Variants in CATSPER2 observed in about 807,000 individuals in gnomAD.
The protein encoded by CATSPER2 is cation channel sperm-associated protein 2.
Under a neutral mutation model 68.8 loss-of-function variants are expected in CATSPER2, and 56 were observed. The observed-to-expected ratio is 0.81, with a 90% CI of 0.66 to 1.02. The LOEUF (loss-of-function observed/expected upper bound fraction) is 1.02. Ranked by LOEUF, CATSPER2 falls within the 50% of genes least tolerant of loss-of-function variation. The pLI is 0.00. For synonymous variants in CATSPER2, 198 were observed against 229.9 expected (o/e 0.86, Z 1.26); for missense variants, 582 against 642.0 (o/e 0.91, Z 1.01).
rs1478622264 is a variant in CATSPER2 at position 43,644,174 on chromosome 15, G to A, written c.388+2876C>T. ...AGTTGTGGAAGCAGATTTTTTTAAA[G>A]CCCTAACAGTTTAGATCACTTTGTG... is the stretch of plus-strand genomic sequence containing the variant. On this transcript the variant is annotated intron_variant, in intron 4 of 12. Transcript: ENST00000396879. 2.6e-5 allele frequency among the ~76,000 whole-genome samples: 4 copies of A among 151,842 alleles called. 1 individual carries two copies. The highest frequency in any genetic ancestry group is 1.3e-4 in the Admixed American group (2 of 15,256).
intron 4 of CATSPER2, among the ~76,000 whole-genome samples, chr15:43,643,847 T>G (rs1199293036): frequency 6.6e-6 from 1 of 151,894 alleles, no homozygotes; most frequent in Non-Finnish European, 1.5e-5. Flanking sequence ...GATATTATAC[T>G]TAGGTTTTAT....
At chr15:43,642,069 T>A (rs1287950461) in intron 4 of CATSPER2, among the ~76,000 whole-genome samples, 1 of 151,484 alleles carries the variant, frequency 6.6e-6, no homozygotes, top group South Asian at 2.1e-4. Context: ...GACGGACAAT[T>A]TTTCACATTT....
At chr15:43,631,252 G>A (rs1335105282) in intron 12 of CATSPER2, among the ~76,000 whole-genome samples, 3 of 151,938 alleles carry the variant, frequency 2.0e-5, no homozygotes, top group African/African-American at 7.3e-5. Context: ...TTTGTCTTGA[G>A]ACGGAGCCTC....
In CATSPER2 at chr15:43,648,639, G is replaced by C; in HGVS notation, c.-13C>G. The C allele has an allele frequency of 1.4e-6, 2 of 1,396,186 alleles. No homozygotes were observed. Among genetic ancestry groups the C allele is most frequent in the Non-Finnish European group, 1.9e-6 (2 of 1,079,196 alleles). The allele number at this position is 1,396,186 out of a possible 1,614,324, so 86.5% of individuals were successfully genotyped here. A position where few individuals can be genotyped will look rare whatever the true frequency, so the allele number is the denominator to read the frequency against. On this transcript the variant is annotated 5_prime_UTR_variant, in exon 1 of 13. Transcript: ENST00000396879. Reference sequence around the variant, plus strand: ...GCTTCTGGGCCTCACCTCAGCCCAGGTTCTCTTTGCCCACTCAGTCCTTAT... The same window carrying C: ...GCTTCTGGGCCTCACCTCAGCCCAGCTTCTCTTTGCCCACTCAGTCCTTAT...
At chr15:43,631,721 C>T (rs2085875507) in intron 12 of CATSPER2, among the ~76,000 whole-genome samples, 1 of 152,062 alleles carries the variant, frequency 6.6e-6, no homozygotes, top group Middle Eastern at 3.4e-3. Context: ...TCATAAACCT[C>T]TTTAGGCAGT....
At position 43,647,333 on chromosome 15, in the gene CATSPER2, T is replaced by C; in HGVS notation, c.280A>G (p.Arg94Gly). 1 of 1,612,448 alleles carries C rather than the reference T, an allele frequency of 6.2e-7. No individual in the cohort carries two copies. Among genetic ancestry groups the C allele is most frequent in the Non-Finnish European group, 8.5e-7 (1 of 1,178,648 alleles). ...CCGGCCCACAAAGAAAGAGGTGGCC[T>C]CTGACTGCAGCGCACATGAAGCCTG... is the stretch of plus-strand genomic sequence containing the variant. Reference protein sequence around the residue: ...LSRLHVRCSQRPPLSLWAGWV... With the variant: ...LSRLHVRCSQGPPLSLWAGWV... The change falls in exon 3 of 13, where the codon AGG (arginine) becomes GGG (glycine). Residue 94 changes from arginine (R) to glycine (G), a missense_variant. By Grantham distance (125) the Arg-to-Gly change is moderately radical (BLOSUM62 -2). This residue lies in a region of CATSPER2 where 197 missense variants were observed against 191.0 expected (regional missense o/e 1.03). Transcript: ENST00000396879.
intron 4 of CATSPER2, 82 bp downstream of exon 4, chr15:43,646,968 C>T (rs2086177310): frequency 5.8e-6 from 7 of 1,199,254 alleles, no homozygotes; most frequent in Non-Finnish European, 5.0e-6. Flanking sequence ...CCACACGCCC[C>T]GGCCTCCCAA....
At chr15:43,646,677 GA>G (rs1371354569) in intron 4 of CATSPER2, among the ~76,000 whole-genome samples, 4 of 146,062 alleles carry the variant, frequency 2.7e-5, no homozygotes, top group Admixed American at 6.8e-5. Context: ...GATCAATTTA[GA>G]AAAAAAAATT....
chr15:43,637,525 G>A (rs2085985009), intron 7 of CATSPER2: 1 of 151,850 alleles, frequency 6.6e-6, no homozygotes, highest in Non-Finnish European at 1.5e-5. Flanking sequence ...TTAACAGAGT[G>A]CTGAGAGGCA....
intron 9 of CATSPER2, 40 bp from the exon 10 acceptor site, chr15:43,635,456 T>C: frequency 3.1e-6 from 5 of 1,591,332 alleles, no homozygotes; most frequent in Non-Finnish European, 4.3e-6. Flanking sequence ...ACAGTTATAT[T>C]CAAGCAAAAG....
At chr15:43,632,637 C>G (rs973258659) in intron 11 of CATSPER2, 80 bp downstream of exon 11, 2 of 1,607,726 alleles carry the variant, frequency 1.2e-6, no homozygotes, top group African/African-American at 2.7e-5. Context: ...ACTAGGAGAG[C>G]TCCTGTTAAG....
At position 43,632,360 on chromosome 15, in the gene CATSPER2, C is replaced by CTCCCA. The variant is rs774088473; in HGVS notation, c.1399_1400insTGGGA (p.Arg467LeufsTer17). 9.7e-5 allele frequency: 156 copies of CTCCCA among 1,613,400 alleles called. 1 individual carries two copies. The highest frequency in any genetic ancestry group is 1.2e-4 in the Non-Finnish European group (142 of 1,179,826). On this transcript the variant is annotated frameshift_variant, in exon 12 of 13. Transcript: ENST00000396879. LOFTEE classifies it high-confidence loss of function. Reference sequence around the variant, plus strand: ...GTGCACAAGAGTCTCCCAGTCCAAACGACCTGCAGGGAGGAATGCTTCAGA... The same window carrying CTCCCA: ...GTGCACAAGAGTCTCCCAGTCCAAACTCCCAGACCTGCAGGGAGGAATGCTTCAGA...
intron 10 of CATSPER2, chr15:43,633,175 T>C (rs2085906117): frequency 7.4e-6 from 4 of 543,264 alleles, no homozygotes; most frequent in Admixed American, 6.3e-5. Context: ...CTTCGAAATA[T>C]ATCTTTTCTC....
chr15:43,648,880 GC>G, upstream of CATSPER2: 2 of 1,494,748 alleles, frequency 1.3e-6, no homozygotes, highest in Non-Finnish European at 8.9e-7. Context: ...GCCCCGCCCC[GC>G]CCCGCTCTCC....
At chr15:43,645,615 T>C (rs1024223273) in intron 4 of CATSPER2, among the ~76,000 whole-genome samples, 2 of 151,652 alleles carry the variant, frequency 1.3e-5, no homozygotes, top group Non-Finnish European at 2.9e-5. Context: ...AGTGAGACCC[T>C]GTCTCTACAA....
At position 43,638,935 on chromosome 15, in the gene CATSPER2, G is replaced by A. The variant is rs774680387; in HGVS notation, c.811C>T (p.Arg271Cys). 1.1e-5 allele frequency: 17 copies of A among 1,612,948 alleles called. No homozygotes were observed. The highest frequency in any genetic ancestry group is 6.7e-5 in the African/African-American group (5 of 74,776). The change falls in exon 7 of 13, where the codon CGT becomes TGT. Residue 271 changes from arginine (R) to cysteine (C), a missense_variant. Around this residue, in one of 5 missense-constraint regions of CATSPER2, gnomAD observed 91 missense variants for 72.8 expected, o/e 1.25. Transcript: ENST00000396879. ...YVFSEYTRSP[R>C]QDLEYHVFFS... Reference sequence around the variant, plus strand: ...AACACATGGTACTCCAGGTCCTGACGAGGTGAACGGGTGTACTCTGAGAAG... The same window carrying A: ...AACACATGGTACTCCAGGTCCTGACAAGGTGAACGGGTGTACTCTGAGAAG...
intron 6 of CATSPER2, 127 bp downstream of exon 6, chr15:43,639,516 C>T (rs1265202549): frequency 1.0e-5 from 16 of 1,535,286 alleles, no homozygotes; most frequent in East Asian, 7.3e-5. Flanking sequence ...CCATCCCCCT[C>T]GGCTTCCCAA....
intron 7 of CATSPER2, among the ~76,000 whole-genome samples, 200 bp downstream of exon 7, chr15:43,638,704 A>T (rs191847990): frequency 6.6e-6 from 1 of 152,066 alleles, no homozygotes; most frequent in East Asian, 1.9e-4. Flanking sequence ...CAGAATAAAC[A>T]TGGAACTAGC....
chr15:43,645,827 G>A (rs2086153683), intron 4 of CATSPER2, among the ~76,000 whole-genome samples: 1 of 151,918 alleles, frequency 6.6e-6, no homozygotes, highest in Admixed American at 6.6e-5. Context: ...CCACAACAGT[G>A]AGAATGAAAC....
Sources: allele counts gnomAD v4.1 joint callset (sites outside exome capture counted in the v4.1 genomes callset), GRCh38; gene constraint gnomAD v4.1.1; regional missense constraint gnomAD v4.1.1; transcripts MANE v1.5; gene names NCBI Gene and HGNC (gene_info 2026-07-23, HGNC 2026-07-21).